Variants in MVB12B observed in about 807,000 individuals in gnomAD.
MVB12B encodes the protein ESCRT-I complex subunit MVB12B.
MVB12B carries 16 observed loss-of-function variants against 41.6 expected under a neutral mutation model. The observed-to-expected ratio is 0.38, with a 90% CI of 0.26 to 0.58. The LOEUF is 0.58. Ranked by LOEUF, MVB12B falls within the 20% of genes least tolerant of loss-of-function variation. The pLI, the probability that MVB12B is intolerant of heterozygous loss-of-function variation, is 0.62. For synonymous variants in MVB12B, 133 were observed against 139.7 expected (o/e 0.95, Z 0.34); for missense variants, 274 against 380.2 (o/e 0.72, Z 2.32).
At chr9:126,421,576 G>C (rs1832020984) in intron 6 of MVB12B, among the ~76,000 whole-genome samples, 1 of 152,156 alleles carries the variant, frequency 6.6e-6, no homozygotes. Flanking sequence ...GAGTCCCTTG[G>C]GCCCGCTGTA....
Position 126,436,014 on chromosome 9 carries a change from A to G in MVB12B, c.757+14066A>G, listed in dbSNP as rs186521434. Among the ~76,000 whole-genome samples, 11 of 152,302 alleles carry G rather than the reference A, an allele frequency of 7.2e-5. No individual in the cohort carries two copies. In the East Asian group the frequency reaches 1.7e-3, roughly 24 times the overall value. On this transcript the variant is annotated intron_variant, in intron 7 of 9. Coordinates refer to ENST00000361171, the MANE Select transcript of MVB12B (RefSeq NM_033446.3). The surrounding 1 kb of genome is among the most constrained non-coding windows in gnomAD (Gnocchi z 4.1). ...GGTTAGTCATTTATTTTTGCAAACTATTGTTTTGATTCATCATTTTTGCAG... is the reference window on the plus strand; with the variant it reads ...GGTTAGTCATTTATTTTTGCAAACTGTTGTTTTGATTCATCATTTTTGCAG...
At chr9:126,474,353 C>T (rs1833380254) in intron 7 of MVB12B, among the ~76,000 whole-genome samples, 1 of 152,292 alleles carries the variant, frequency 6.6e-6, no homozygotes, top group African/African-American at 2.4e-5. Context: ...AGGAAGTAAA[C>T]GTGGCTCCCC....
rs1829419685 is a variant in MVB12B at position 126,340,608 on chromosome 9, G to A, written c.182G>A (p.Arg61Gln). The stretch of plus-strand genomic sequence containing the variant: ...GTCGGGGTGGTGGCTTCTCGGAACC[G>A]AGCCCCGACAGGCTATGACGTAGTA... ...TGVGVVASRN[R>Q]APTGYDVVAQ... The change falls in exon 2 of 10, where the codon CGA (arginine) becomes CAA (glutamine). Residue 61 changes from arginine (R) to glutamine (Q), a missense_variant. Transcript: ENST00000361171. This position sits in a 1 kb window ranked among gnomAD's most constrained non-coding sequence, Gnocchi z 4.0. 3.1e-6 allele frequency: 5 copies of A among 1,614,042 alleles called. No homozygotes were observed. The highest frequency in any genetic ancestry group is 1.7e-5 in the Admixed American group (1 of 60,006).
intron 5 of MVB12B, among the ~76,000 whole-genome samples, chr9:126,394,369 T>C (rs1022509121): frequency 6.6e-6 from 1 of 152,254 alleles, no homozygotes; most frequent in Non-Finnish European, 1.5e-5. Context: ...GGAATAGATA[T>C]GTACCAGTAT....
Position 126,468,769 on chromosome 9 carries a change from C to G in MVB12B, c.758-12600C>G, listed in dbSNP as rs539326011. Among the ~76,000 whole-genome samples, 1 of 152,242 alleles carries G rather than the reference C, an allele frequency of 6.6e-6. No individual in the cohort carries two copies. Among genetic ancestry groups the G allele is most frequent in the Non-Finnish European group, 1.5e-5 (1 of 68,048 alleles). On this transcript the variant is annotated intron_variant, in intron 7 of 9. Transcript: ENST00000361171. The surrounding 1 kb of genome is among the most constrained non-coding windows in gnomAD (Gnocchi z 4.3). ...TAAATCTCCCCATCTCTCTCTCCAG[C>G]TCAAAGACCCTTTGGTGGCTCCCCA...
intron 6 of MVB12B, among the ~76,000 whole-genome samples, chr9:126,420,043 GCT>G (rs1831957813): frequency 6.6e-6 from 1 of 152,172 alleles, no homozygotes; most frequent in South Asian, 2.1e-4. Context: ...GGAAGTGCTG[GCT>G]CTCTCTGACT....
intron 9 of MVB12B, among the ~76,000 whole-genome samples, chr9:126,490,731 T>C (rs2119221046): frequency 6.6e-6 from 1 of 152,330 alleles, no homozygotes. Flanking sequence ...TTGCCACAGG[T>C]TTTTATGGGC....
chr9:126,427,630 A>T (rs975295699), intron 7 of MVB12B, among the ~76,000 whole-genome samples: 11 of 152,258 alleles, frequency 7.2e-5, no homozygotes, highest in African/African-American at 2.4e-4. Context: ...CTTTTGAAAA[A>T]AAATTGACAT....
chr9:126,447,784 A>G (rs1343112621), intron 7 of MVB12B, among the ~76,000 whole-genome samples: 1 of 152,124 alleles, frequency 6.6e-6, no homozygotes, highest in Non-Finnish European at 1.5e-5. Flanking sequence ...TTTGTTTTGC[A>G]CAGTTCTTCT....
chr9:126,367,063 A>G lies in MVB12B; in HGVS notation c.205-14001A>G, dbSNP rs966005750. Among the ~76,000 whole-genome samples the G allele has an allele frequency of 3.3e-5, 5 of 151,978 alleles. No individual in the cohort carries two copies. The highest frequency in any genetic ancestry group is 1.2e-4 in the African/African-American group (5 of 41,360). On this transcript the variant is annotated intron_variant, in intron 2 of 9. Coordinates refer to ENST00000361171, the MANE Select transcript of MVB12B (RefSeq NM_033446.3). This position sits in a 1 kb window ranked among gnomAD's most constrained non-coding sequence, Gnocchi z 4.3. ...TGCTAGCCCTACCTGCCAGCACCCC[A>G]TCAGGCATTTCTTCATCTTTTCATC...
At chr9:126,470,100 C>T (rs887655) in intron 7 of MVB12B, among the ~76,000 whole-genome samples, 14,688 of 152,186 alleles carry the variant, frequency 0.097, 723 homozygotes, top group Middle Eastern at 0.17. Context: ...GTTATTACTG[C>T]CGTACAGAGG....
intron 2 of MVB12B, among the ~76,000 whole-genome samples, chr9:126,348,366 G>A (rs541853507): frequency 6.6e-6 from 1 of 152,188 alleles, no homozygotes; most frequent in African/African-American, 2.4e-5. Flanking sequence ...GAGAATGCAC[G>A]TGGCACACTT....
chr9:126,379,511 G>A (rs1458796707), intron 2 of MVB12B, among the ~76,000 whole-genome samples: 6 of 152,134 alleles, frequency 3.9e-5, no homozygotes, highest in Admixed American at 3.3e-4. Context: ...CCATTCGATC[G>A]TGTTTCTATC....
At chr9:126,370,413 C>T (rs905258913) in intron 2 of MVB12B, among the ~76,000 whole-genome samples, 3 of 144,866 alleles carry the variant, frequency 2.1e-5, no homozygotes, top group East Asian at 4.1e-4. Context: ...GACAGAGTCT[C>T]GTTCTGTTGC....
At chr9:126,385,617 G>A (rs978087740) in intron 3 of MVB12B, among the ~76,000 whole-genome samples, 3 of 152,226 alleles carry the variant, frequency 2.0e-5, no homozygotes, top group Admixed American at 1.3e-4. Flanking sequence ...CTGGGCTTCG[G>A]GGATGAGGCA....
chr9:126,462,669 C>T (rs1282095815), intron 7 of MVB12B, among the ~76,000 whole-genome samples: 3 of 152,148 alleles, frequency 2.0e-5, no homozygotes, highest in Non-Finnish European at 4.4e-5. Flanking sequence ...AATTAGAATA[C>T]CAGCAGGCCC....
intron 1 of MVB12B, among the ~76,000 whole-genome samples, chr9:126,337,543 G>T (rs185193426): frequency 9.2e-5 from 14 of 152,240 alleles, no homozygotes. Flanking sequence ...ATGGGATATT[G>T]GTGCCTCTCT....
In MVB12B at chr9:126,503,459, G is replaced by T; in HGVS notation, c.*196G>T. The T allele has an allele frequency of 1.7e-6, 1 of 599,346 alleles. No individual in the cohort carries two copies. Among genetic ancestry groups the T allele is most frequent in the South Asian group, 2.0e-5 (1 of 50,020 alleles). The allele number at this position is 599,346 out of a possible 1,614,324, so 37.1% of individuals were successfully genotyped here. A position where few individuals can be genotyped will look rare whatever the true frequency, so the allele number is the denominator to read the frequency against. On this transcript the variant is annotated 3_prime_UTR_variant, in exon 10 of 10. Transcript: ENST00000361171. Reference sequence around the variant, plus strand: ...CTCACTGACACCCCGGCCTCCCTGGGGACATTGTTCATAACCATGACTAAT... The same window carrying T: ...CTCACTGACACCCCGGCCTCCCTGGTGACATTGTTCATAACCATGACTAAT...
intron 9 of MVB12B, among the ~76,000 whole-genome samples, chr9:126,487,686 G>C (rs1193055187): frequency 6.6e-6 from 1 of 151,488 alleles, no homozygotes; most frequent in Admixed American, 6.6e-5. Flanking sequence ...GAAATCACTT[G>C]AGCCCAGGAG....
Sources: allele counts gnomAD v4.1 joint callset (sites outside exome capture counted in the v4.1 genomes callset), GRCh38; gene constraint gnomAD v4.1.1; non-coding constraint Gnocchi (gnomAD v3.1); transcripts MANE v1.5; gene names NCBI Gene and HGNC (gene_info 2026-07-23, HGNC 2026-07-21).